The following GATAD2A variants were observed in gnomAD, a reference collection of about 807,000 sequenced individuals.
GATAD2A encodes transcriptional repressor p66-alpha.
GATAD2A carries 12 observed loss-of-function variants against 68.5 expected under a neutral mutation model. That is an observed-to-expected ratio of 0.18 (90% confidence interval 0.11 to 0.28). GATAD2A has a LOEUF of 0.28. Ranked by LOEUF, GATAD2A falls within the 10% of genes least tolerant of loss-of-function variation. GATAD2A has a pLI of 1.00. For missense variants in GATAD2A, 755 were observed against 868.5 expected, an observed-to-expected ratio of 0.87 and a Z score of 1.64; for synonymous variants, 410 against 375.3, an observed-to-expected ratio of 1.09 and a Z score of -1.07.
chr19:19,389,142 C>T (rs534910111), intron 1 of GATAD2A, among the ~76,000 whole-genome samples: 74 of 152,110 alleles, frequency 4.9e-4, no homozygotes, highest in African/African-American at 1.5e-3. Flanking sequence ...TTGCCAAATG[C>T]AGAGCTCTGT....
At chr19:19,420,708 A>G (rs372182500) in intron 1 of GATAD2A, among the ~76,000 whole-genome samples, 2 of 130,578 alleles carry the variant, frequency 1.5e-5, no homozygotes, top group East Asian at 2.3e-4. Context: ...AGTCCCTTGC[A>G]TGAAGTGCTG....
At position 19,498,649 on chromosome 19, in the gene GATAD2A, C is replaced by T. The variant is rs2060308880; in HGVS notation, c.1131C>T (p.Pro377=). 1 of 1,613,756 alleles carries T rather than the reference C, an allele frequency of 6.2e-7. No homozygotes were observed. The highest frequency in any genetic ancestry group is 1.7e-5 in the Admixed American group (1 of 59,998). Reference sequence around the variant, plus strand: ...CAGCCCCAGAGATGAACTTCCTGCCCAGCGCCGCCAACAACGAGTTCATCT... The same window carrying T: ...CAGCCCCAGAGATGAACTTCCTGCCTAGCGCCGCCAACAACGAGTTCATCT... ...KPPAPEMNFL[P]SAANNEFIYL... The change falls in exon 8 of 12, where the codon CCC becomes CCT. Residue 377 remains proline (P), a synonymous_variant. Coordinates refer to ENST00000683918, the MANE Select transcript of GATAD2A (RefSeq NM_001384528.1).
At chr19:19,460,448 C>G (rs1309323606) in intron 1 of GATAD2A, among the ~76,000 whole-genome samples, 1 of 152,198 alleles carries the variant, frequency 6.6e-6, no homozygotes, top group African/African-American at 2.4e-5. Flanking sequence ...TTGTCATCAT[C>G]TGACTCAGCA....
At chr19:19,437,362 T>C (rs1210522991) in intron 1 of GATAD2A, among the ~76,000 whole-genome samples, 1 of 152,220 alleles carries the variant, frequency 6.6e-6, no homozygotes, top group East Asian at 1.9e-4. Flanking sequence ...ACTCTTGGGC[T>C]CAAGCGATTC....
chr19:19,426,465 C>T (rs2053103891), intron 1 of GATAD2A, among the ~76,000 whole-genome samples: 1 of 152,138 alleles, frequency 6.6e-6, no homozygotes, highest in South Asian at 2.1e-4. Context: ...TAATGTGTGG[C>T]CGCTGCTGTT....
At chr19:19,421,765 C>T (rs2052446574) in intron 1 of GATAD2A, among the ~76,000 whole-genome samples, 1 of 152,020 alleles carries the variant, frequency 6.6e-6, no homozygotes, top group Non-Finnish European at 1.5e-5. Context: ...CTGCTGAGGA[C>T]CTAGCCTAAG....
chr19:19,409,997 C>A (rs1239480181), intron 1 of GATAD2A, among the ~76,000 whole-genome samples: 1 of 152,088 alleles, frequency 6.6e-6, no homozygotes, highest in East Asian at 1.9e-4. Flanking sequence ...ATTGGGAATC[C>A]ACGAAACCCT....
intron 1 of GATAD2A, among the ~76,000 whole-genome samples, chr19:19,390,963 T>G (rs1451464901): frequency 1.3e-5 from 2 of 152,106 alleles, no homozygotes; most frequent in African/African-American, 4.8e-5. Context: ...GAGATCAGAA[T>G]GCACCTCAAG....
intron 1 of GATAD2A, among the ~76,000 whole-genome samples, chr19:19,439,738 C>G (rs2054776603): frequency 6.6e-6 from 1 of 151,914 alleles, no homozygotes. Flanking sequence ...TCACAGTTAC[C>G]CGGGGAGGCT....
chr19:19,499,963 A>G (rs1271161857), intron 8 of GATAD2A, among the ~76,000 whole-genome samples: 1 of 152,194 alleles, frequency 6.6e-6, no homozygotes, highest in East Asian at 1.9e-4. Context: ...GATGTCGGCA[A>G]AAGAGCCACC....
intron 2 of GATAD2A, among the ~76,000 whole-genome samples, chr19:19,466,131 T>C (rs2057846922): frequency 6.6e-6 from 1 of 152,246 alleles, no homozygotes; most frequent in East Asian, 1.9e-4. Context: ...TTTGGCTTGC[T>C]CTGTTGGTTT....
At chr19:19,461,558 C>T (rs1371186322) in intron 1 of GATAD2A, among the ~76,000 whole-genome samples, 5 of 152,240 alleles carry the variant, frequency 3.3e-5, no homozygotes, top group Admixed American at 3.3e-4. Context: ...GCATTCCTAT[C>T]TGCCCTAAAG....
At position 19,426,000 on chromosome 19, in the gene GATAD2A, C is replaced by T. The variant is rs1430747623; in HGVS notation, c.-7+19981C>T. On this transcript the variant is annotated intron_variant, in intron 1 of 11. Transcript: ENST00000683918. Reference sequence around the variant, plus strand: ...ATGGTGTTTTGCTATGTTGTCCAGGCTGGTCTCGAACTTGTAAGCTCACGC... The same window carrying T: ...ATGGTGTTTTGCTATGTTGTCCAGGTTGGTCTCGAACTTGTAAGCTCACGC... 2.0e-5 allele frequency among the ~76,000 whole-genome samples: 3 copies of T among 152,244 alleles called. No homozygotes were observed. The East Asian group carries it at 5.8e-4, about 29-fold the overall frequency.
chr19:19,400,649 A>T (rs1472535766), intron 1 of GATAD2A, among the ~76,000 whole-genome samples: 1 of 152,176 alleles, frequency 6.6e-6, no homozygotes, highest in African/African-American at 2.4e-5. Flanking sequence ...TCAAAGTATT[A>T]AGGAAATCAA....
chr19:19,465,305 C>T (rs763997383), intron 1 of GATAD2A, 35 bp from the exon 2 acceptor site: 2 of 1,531,138 alleles, frequency 1.3e-6, no homozygotes, highest in East Asian at 2.2e-5. Flanking sequence ...TCATTGCACC[C>T]AGTTAAAATG....
upstream of GATAD2A, among the ~76,000 whole-genome samples, chr19:19,403,220 G>C (rs35156688): frequency 6.6e-6 from 1 of 152,100 alleles, no homozygotes; most frequent in Non-Finnish European, 1.5e-5. Flanking sequence ...TAATCACCCA[G>C]CTGAACTATT....
intron 11 of GATAD2A, among the ~76,000 whole-genome samples, chr19:19,504,167 C>T (rs2060724517): frequency 6.6e-6 from 1 of 152,204 alleles, no homozygotes; most frequent in Non-Finnish European, 1.5e-5. Context: ...GATTGTGCCA[C>T]TGCACTCCAG....
At chr19:19,494,662 C>A (rs1195191542) in intron 5 of GATAD2A, among the ~76,000 whole-genome samples, 1 of 152,248 alleles carries the variant, frequency 6.6e-6, no homozygotes, top group Non-Finnish European at 1.5e-5. Flanking sequence ...CCCTAGCAAG[C>A]CTGATCTCCC....
chr19:19,473,154 C>T (rs1317455148), intron 2 of GATAD2A, among the ~76,000 whole-genome samples: 1 of 152,146 alleles, frequency 6.6e-6, no homozygotes, highest in East Asian at 1.9e-4. Flanking sequence ...GTTCAGGCAG[C>T]TCTTGTGTCT....
Sources: gnomAD v4.1 joint callset for allele counts (sites outside exome capture counted in the v4.1 genomes callset) on GRCh38, gnomAD v4.1.1 for gene constraint, MANE v1.5 for transcripts, NCBI Gene and HGNC (gene_info 2026-07-23, HGNC 2026-07-21) for gene names.